MCF2L: variants seen among roughly 807,000 people sequenced by gnomAD.
The protein encoded by MCF2L is guanine nucleotide exchange factor DBS.
Under a neutral mutation model 153.4 loss-of-function variants are expected in MCF2L, and 97 were observed. The ratio of observed to expected loss-of-function variants is 0.63; its 90% CI spans 0.54 to 0.75. The LOEUF (loss-of-function observed/expected upper bound fraction) is 0.75, where lower values mean the gene tolerates loss of function less well. Ranked by LOEUF, MCF2L falls within the 30% of genes least tolerant of loss-of-function variation. MCF2L has a pLI of 0.00. For synonymous variants in MCF2L, 659 were observed against 632.2 expected (o/e 1.04, Z -0.64); for missense variants, 1,347 against 1,495.2 (o/e 0.90, Z 1.64).
intron 2 of MCF2L, among the ~76,000 whole-genome samples, chr13:112,944,737 C>T (rs1015307801): frequency 1.3e-5 from 2 of 152,166 alleles, no homozygotes; most frequent in African/African-American, 4.8e-5. Flanking sequence ...CCGCCCGCCT[C>T]GGCCTCCCAA....
Position 113,096,768 on chromosome 13 carries a change from C to G in MCF2L, c.3293-6C>G. The G allele has an allele frequency of 6.4e-7, 1 of 1,565,368 alleles. No homozygotes were observed. The highest frequency in any genetic ancestry group is 2.4e-5 in the East Asian group (1 of 41,702). On this transcript the variant is annotated splice_polypyrimidine_tract_variant and splice_region_variant and intron_variant, in intron 29 of 29. Coordinates refer to ENST00000535094, the MANE Select transcript of MCF2L (RefSeq NM_001112732.3). ...CGAAGCCCGTCCCCGCCTGATCTCC[C>G]CGCAGAGTCGAGCCCGGGGTCGGCC...
intron 1 of MCF2L, among the ~76,000 whole-genome samples, chr13:112,976,723 G>A (rs1466882907): frequency 6.6e-6 from 1 of 152,322 alleles, no homozygotes; most frequent in East Asian, 1.9e-4. Context: ...GGAGAGGAGG[G>A]GCTGCTCGGT....
intron 1 of MCF2L, among the ~76,000 whole-genome samples, chr13:112,970,342 A>G (rs1171453749): frequency 1.3e-5 from 2 of 152,162 alleles, no homozygotes; most frequent in Non-Finnish European, 2.9e-5. Flanking sequence ...GCCCACCCCG[A>G]TGGATTCTGA....
rs149990529 is a variant in MCF2L, at chr13:112,926,761, G to T, written c.169+24390G>T. On this transcript the variant is annotated intron_variant, in intron 2 of 29. Coordinates refer to the MCF2L transcript ENST00000375608. ...CACTTACATGTGTACTCGCAGAAAG[G>T]GGAACTCATAGGAGCAGAGTGGCGG... Among the ~76,000 whole-genome samples, 780 of 152,320 alleles carry T rather than the reference G, an allele frequency of 5.1e-3. 4 individuals carry two copies. Among genetic ancestry groups the T allele is most frequent in the African/African-American group, 0.018 (754 of 41,554 alleles).
chr13:112,932,855 A>G lies in MCF2L; in HGVS notation c.169+30484A>G, dbSNP rs906214529. On this transcript the variant is annotated intron_variant, in intron 2 of 29. Coordinates refer to the MCF2L transcript ENST00000375608. This position sits in a 1 kb window ranked among gnomAD's most constrained non-coding sequence, Gnocchi z 4.6. ...AGACCAGCCTGGCCAACATGGTGAA[A>G]CCCCGTCTCTACTAAAAATACAAAA... Among the ~76,000 whole-genome samples, 3 of 152,034 alleles carry G rather than the reference A, an allele frequency of 2.0e-5. No individual in the cohort carries two copies. Among genetic ancestry groups the G allele is most frequent in the Non-Finnish European group, 2.9e-5 (2 of 68,000 alleles).
rs1486176314 is a variant in MCF2L at position 113,065,064 on chromosome 13, A to C, written c.735A>C (p.Thr245=). ...QSTSSVLCAH[T]EKKDKAKEDL... ...CAAGCTCAGTGCTGTGTGCGCACAC[A>C]GAGAAGAAGGACAAGGCGAAGGTAC... Residue 245 remains threonine, a synonymous_variant, in exon 7 of 30, where the codon ACA becomes ACC. Transcript: ENST00000535094. 5 of 1,608,794 alleles carry C rather than the reference A, an allele frequency of 3.1e-6. No individual in the cohort carries two copies. The highest frequency in any genetic ancestry group is 1.7e-6 in the Non-Finnish European group (2 of 1,179,108).
intron 1 of MCF2L, among the ~76,000 whole-genome samples, chr13:112,978,962 C>T (rs540003686): frequency 6.6e-6 from 1 of 152,342 alleles, no homozygotes; most frequent in Non-Finnish European, 1.5e-5. Context: ...CCATTGGGAG[C>T]CCTGGATGCT....
chr13:112,925,241 A>G (rs1263794621), intron 2 of MCF2L, among the ~76,000 whole-genome samples: 1 of 152,228 alleles, frequency 6.6e-6, no homozygotes, highest in Non-Finnish European at 1.5e-5. Flanking sequence ...AAGACTGGCT[A>G]TTCCAAGTGG....
chr13:112,985,279 C>A, intron 1 of MCF2L: 1 of 402,036 alleles, frequency 2.5e-6, no homozygotes, highest in South Asian at 1.8e-5. Context: ...GTCCCTCATG[C>A]AGATTTTAGG....
intron 2 of MCF2L, among the ~76,000 whole-genome samples, chr13:112,924,811 G>C (rs2081386711): frequency 6.6e-6 from 1 of 152,176 alleles, no homozygotes; most frequent in South Asian, 2.1e-4. Context: ...AGGGGAATGG[G>C]CTGCCCAGAC....
At chr13:113,047,709 C>T (rs1312448964) in intron 4 of MCF2L, among the ~76,000 whole-genome samples, 3 of 152,268 alleles carry the variant, frequency 2.0e-5, no homozygotes, top group Admixed American at 6.5e-5. Flanking sequence ...CAGGCACCTG[C>T]ATCTTCACAC....
chr13:112,902,419 C>T, intron 2 of MCF2L: 1 of 1,563,638 alleles, frequency 6.4e-7, no homozygotes, highest in Non-Finnish European at 8.7e-7. Flanking sequence ...GGTCTCACTG[C>T]TGATCAGACC....
intron 18 of MCF2L, 189 bp from the exon 19 acceptor site, chr13:113,084,703 C>G: frequency 1.7e-6 from 1 of 600,806 alleles, no homozygotes; most frequent in East Asian, 2.8e-5. Flanking sequence ...GGGCAGGCCC[C>G]CCAGCGGAGC....
intron 2 of MCF2L, among the ~76,000 whole-genome samples, chr13:112,964,190 C>T (rs1172449074): frequency 6.6e-6 from 1 of 152,228 alleles, no homozygotes; most frequent in African/African-American, 2.4e-5. Flanking sequence ...CTTGAGGTTC[C>T]CTTGAGGCAG....
At chr13:112,959,541 A>C (rs1296077404) in intron 2 of MCF2L, among the ~76,000 whole-genome samples, 7 of 152,284 alleles carry the variant, frequency 4.6e-5, no homozygotes, top group African/African-American at 1.4e-4. Context: ...TCCTGGCAGC[A>C]TACAGAACAA....
intron 3 of MCF2L, among the ~76,000 whole-genome samples, chr13:113,033,068 G>C (rs193092705): frequency 8.0e-4 from 117 of 146,948 alleles, no homozygotes; most frequent in Non-Finnish European, 1.1e-3. Context: ...AGTGGCCCCT[G>C]TGACATTAGT....
intron 2 of MCF2L, among the ~76,000 whole-genome samples, chr13:112,906,853 T>C (rs2081178088): frequency 6.6e-6 from 1 of 152,224 alleles, no homozygotes; most frequent in Non-Finnish European, 1.5e-5. Flanking sequence ...CTATCCCCAT[T>C]GGTCAGTGGT....
chr13:112,944,145 GTGAAGGGAGGGTCCTGGACTA>G (rs1566653326), intron 2 of MCF2L, among the ~76,000 whole-genome samples: 2 of 149,670 alleles, frequency 1.3e-5, no homozygotes, highest in African/African-American at 4.9e-5. Context: ...ATCCTAGGCC[GTGAAGGGAGGGTCCTGGACTA>G]TGAAGGGAGG....
chr13:112,974,936 G>A (rs191930545), intron 1 of MCF2L, among the ~76,000 whole-genome samples: 11 of 152,238 alleles, frequency 7.2e-5, no homozygotes, highest in African/African-American at 2.2e-4. Context: ...CGTGTGTTTC[G>A]TTTCCTCCGC....
Sources: gnomAD v4.1 joint callset for allele counts (sites outside exome capture counted in the v4.1 genomes callset) on GRCh38, gnomAD v4.1.1 for gene constraint, Gnocchi (gnomAD v3.1) non-coding constraint, MANE v1.5 for transcripts, NCBI Gene and HGNC (gene_info 2026-07-23, HGNC 2026-07-21) for gene names.